TMEM212: variants seen among roughly 807,000 people sequenced by gnomAD.
TMEM212 encodes transmembrane protein 212.
In TMEM212, 23 loss-of-function variants were observed where a neutral mutation model predicts 20.5. The ratio of observed to expected loss-of-function variants is 1.12; its 90% CI spans 0.81 to 1.59. TMEM212 has a LOEUF of 1.59. Among genes scored for constraint, TMEM212 ranks in the 40% most tolerant of loss-of-function variants. The pLI is 0.00. For missense variants in TMEM212, 211 were observed against 215.0 expected (o/e 0.98, Z 0.12); for synonymous variants, 76 against 81.6 (o/e 0.93, Z 0.37).
At chr3:171,843,727 T>C (rs1304618569) in intron 1 of TMEM212, among the ~76,000 whole-genome samples, 185 bp downstream of exon 1, 1 of 152,230 alleles carries the variant, frequency 6.6e-6, no homozygotes. Context: ...AAAATGATCT[T>C]AATATTGTTT....
chr3:171,853,387 G>A, intron 2 of TMEM212, 140 bp from the exon 3 acceptor site: 1 of 697,654 alleles, frequency 1.4e-6, no homozygotes, highest in Admixed American at 3.0e-5. Flanking sequence ...AATATAAAGA[G>A]AGAGTCGTGA....
At chr3:171,846,045 G>A (rs1724824066) in intron 1 of TMEM212, among the ~76,000 whole-genome samples, 1 of 152,058 alleles carries the variant, frequency 6.6e-6, no homozygotes, top group Admixed American at 6.6e-5. Flanking sequence ...CTCGTAACCT[G>A]CTGAGTTCTC....
At chr3:171,844,255 G>A (rs1724782867) in intron 1 of TMEM212, among the ~76,000 whole-genome samples, 1 of 152,084 alleles carries the variant, frequency 6.6e-6, no homozygotes, top group South Asian at 2.1e-4. Flanking sequence ...TCTAGTCTTG[G>A]GAGTAACTGG....
intron 1 of TMEM212, among the ~76,000 whole-genome samples, chr3:171,845,409 T>C (rs573995858): frequency 6.6e-6 from 1 of 152,330 alleles, no homozygotes; most frequent in South Asian, 2.1e-4. Flanking sequence ...TTTAATTTTT[T>C]TAAAAATTCT....
chr3:171,851,845 A>T, intron 1 of TMEM212, 137 bp from the exon 2 acceptor site: 1 of 751,916 alleles, frequency 1.3e-6, no homozygotes, highest in Non-Finnish European at 2.2e-6. Context: ...TGAGGAGGAA[A>T]TCAGAGCCAT....
At chr3:171,856,066 T>G (rs1725108320) in intron 3 of TMEM212, among the ~76,000 whole-genome samples, 1 of 152,030 alleles carries the variant, frequency 6.6e-6, no homozygotes, top group African/African-American at 2.4e-5. Context: ...GCCCTGTGAT[T>G]ACCAAAAAAA....
In TMEM212 at chr3:171,853,820, T is replaced by C. The variant is rs1395970126; in HGVS notation, c.513T>C (p.Ser171=). The change falls in exon 3 of 5, where the codon TCT becomes TCC. Residue 171 remains serine, a synonymous_variant. Coordinates refer to ENST00000334567, the MANE Select transcript of TMEM212 (RefSeq NM_001164436.2). ...CTSLTVFIKL[S]ARLIQNGHIN... is the part of the protein sequence containing the mutation. ...CCTTGACAGTGTTCATCAAACTTTC[T>C]GCAAGACTTATCCAGAATGGACACA... 3.9e-6 allele frequency: 6 copies of C among 1,536,798 alleles called. No individual in the cohort carries two copies. The highest frequency in any genetic ancestry group is 4.4e-6 in the Non-Finnish European group (5 of 1,146,686).
chr3:171,848,143 C>T (rs1214620393), intron 1 of TMEM212, among the ~76,000 whole-genome samples: 1 of 152,156 alleles, frequency 6.6e-6, no homozygotes, highest in East Asian at 1.9e-4. Context: ...TTGACTCAAC[C>T]TGTTCCTCTA....
intron 2 of TMEM212, 146 bp from the exon 3 acceptor site, chr3:171,853,381 T>A: frequency 1.4e-6 from 1 of 700,588 alleles, no homozygotes; most frequent in Admixed American, 3.0e-5. Context: ...AATGAAAATA[T>A]AAAGAGAGAG....
chr3:171,846,263 C>T (rs890740089), intron 1 of TMEM212, among the ~76,000 whole-genome samples: 1 of 152,200 alleles, frequency 6.6e-6, no homozygotes, highest in Non-Finnish European at 1.5e-5. Flanking sequence ...CTTTATCAAA[C>T]AACACTTTTT....
In TMEM212 at chr3:171,846,756, C is replaced by T. The variant is rs534617005; in HGVS notation, c.159+3214C>T. Among the ~76,000 whole-genome samples, 15 of 152,254 alleles carry T rather than the reference C, an allele frequency of 9.9e-5. No individual in the cohort carries two copies. In the South Asian group the frequency reaches 2.7e-3, roughly 27 times the overall value. On this transcript the variant is annotated intron_variant, in intron 1 of 4. Coordinates refer to ENST00000334567, the MANE Select transcript of TMEM212 (RefSeq NM_001164436.2). ...TCAATAATGTCTAAATTTGGACGAA[C>T]GTTATGTTTTTTTACTAGTGAGTTT... is the stretch of plus-strand genomic sequence containing the variant.
intron 1 of TMEM212, among the ~76,000 whole-genome samples, chr3:171,850,315 A>G (rs1258011039): frequency 3.9e-5 from 6 of 152,202 alleles, no homozygotes; most frequent in Non-Finnish European, 7.3e-5. Flanking sequence ...GATCTTTTTC[A>G]AAGTTTTATG....
rs1015839189 is a variant in TMEM212, at chr3:171,858,626, T to C, written c.*569T>C. ...ATGGCAAAAGAAACTATCATCAGAG[T>C]GAACAGGCAACCTACAGAACGGGAG... On this transcript the variant is annotated 3_prime_UTR_variant, in exon 5 of 5. Coordinates refer to ENST00000334567, the MANE Select transcript of TMEM212 (RefSeq NM_001164436.2). The C allele has an allele frequency of 6.6e-6, 1 of 151,830 alleles. No individual in the cohort carries two copies. The highest frequency in any genetic ancestry group is 2.4e-5 in the African/African-American group (1 of 41,204). 9.4% of individuals were successfully genotyped at this position (151,830 alleles called of 1,614,324 possible).
chr3:171,849,503 T>C (rs934182216), intron 1 of TMEM212, among the ~76,000 whole-genome samples: 4 of 152,240 alleles, frequency 2.6e-5, no homozygotes, highest in African/African-American at 7.2e-5. Flanking sequence ...GATAAGGTCA[T>C]TGTGAGGATT....
chr3:171,848,570 A>AATAGG (rs1229498463), intron 1 of TMEM212, among the ~76,000 whole-genome samples: 19 of 149,702 alleles, frequency 1.3e-4, no homozygotes, highest in African/African-American at 3.5e-4. Flanking sequence ...CATAGAATAG[A>AATAGG]ATAGAATAGG....
intron 4 of TMEM212, chr3:171,856,926 T>C: frequency 2.7e-6 from 1 of 371,570 alleles, no homozygotes; most frequent in Non-Finnish European, 4.8e-6. Context: ...TTTTAGGAAA[T>C]GTTAATTAAA....
chr3:171,845,747 TAGG>T (rs1236616376), intron 1 of TMEM212, among the ~76,000 whole-genome samples: 4 of 152,120 alleles, frequency 2.6e-5, no homozygotes, highest in African/African-American at 9.7e-5. Context: ...ATGTTCTTGG[TAGG>T]AGGTCAAAAG....
At chr3:171,850,142 G>A (rs949877200) in intron 1 of TMEM212, among the ~76,000 whole-genome samples, 6 of 152,058 alleles carry the variant, frequency 3.9e-5, no homozygotes, top group Non-Finnish European at 8.8e-5. Flanking sequence ...GAAAGAAAAG[G>A]GGAAGTCTGC....
chr3:171,847,551 A>G (rs1419817835), intron 1 of TMEM212, among the ~76,000 whole-genome samples: 1 of 152,208 alleles, frequency 6.6e-6, no homozygotes, highest in Non-Finnish European at 1.5e-5. Context: ...ATAAAAGCAA[A>G]TTTTATTCAG....
Sources: allele counts gnomAD v4.1 joint callset (sites outside exome capture counted in the v4.1 genomes callset), GRCh38; gene constraint gnomAD v4.1.1; transcripts MANE v1.5; gene names NCBI Gene and HGNC (gene_info 2026-07-23, HGNC 2026-07-21).